GNB1L: variants seen among roughly 807,000 people sequenced by gnomAD.
The protein encoded by GNB1L is G protein subunit beta 1 like.
GNB1L carries 20 observed loss-of-function variants against 29.1 expected under a neutral mutation model. That is an observed-to-expected ratio of 0.69 (90% CI 0.48 to 1.00). GNB1L has a LOEUF of 1.00. Ranked by LOEUF, GNB1L falls within the 50% of genes least tolerant of loss-of-function variation. GNB1L has a pLI of 0.00. For synonymous variants in GNB1L, 193 were observed against 206.5 expected, an observed-to-expected ratio of 0.93 and a Z score of 0.56; for missense variants, 421 against 464.9, an observed-to-expected ratio of 0.91 and a Z score of 0.87.
At chr22:19,842,841 A>G (rs970619152) in intron 2 of GNB1L, among the ~76,000 whole-genome samples, 1 of 152,162 alleles carries the variant, frequency 6.6e-6, no homozygotes, top group African/African-American at 2.4e-5. Flanking sequence ...TAAGCAGCTC[A>G]AGCTGGCCAC....
chr22:19,837,794 G>A (rs78538746), intron 2 of GNB1L, among the ~76,000 whole-genome samples: 14,371 of 152,242 alleles, frequency 0.094, 2,251 homozygotes, highest in African/African-American at 0.33. Flanking sequence ...GACAAAGTAG[G>A]AAGTACTGAT....
chr22:19,851,331 C>T (rs1277576235), intron 2 of GNB1L: 8 of 1,614,012 alleles, frequency 5.0e-6, no homozygotes, highest in Middle Eastern at 1.6e-4. Flanking sequence ...GGTCTCTGGG[C>T]AGGAGGATTA....
At chr22:19,798,691 C>G (rs1372260966) in intron 7 of GNB1L, among the ~76,000 whole-genome samples, 1 of 152,084 alleles carries the variant, frequency 6.6e-6, no homozygotes, top group East Asian at 1.9e-4. Flanking sequence ...GGAGCGACCC[C>G]ACACCCACCT....
chr22:19,850,997 G>A, intron 2 of GNB1L: 7 of 1,414,918 alleles, frequency 4.9e-6, no homozygotes, highest in African/African-American at 1.4e-5. Context: ...GCTGGAGTTG[G>A]GGGAGCTGGT....
chr22:19,806,219 A>G (rs1290045002), intron 6 of GNB1L, among the ~76,000 whole-genome samples: 1 of 152,264 alleles, frequency 6.6e-6, no homozygotes, highest in African/African-American at 2.4e-5. Context: ...CCTGCCTCTA[A>G]GAGGCAAAGA....
In GNB1L at chr22:19,819,752, C is replaced by G. The variant is rs149795588; in HGVS notation, c.254+846G>C. On this transcript the variant is annotated intron_variant, in intron 4 of 7. Coordinates refer to ENST00000329517, the MANE Select transcript of GNB1L (RefSeq NM_053004.3). Reference sequence around the variant, plus strand: ...TAATCCCCAAGTGATGCGTAGGGTACAGAACACACACGTGAGCTCGGGGCC... The same window carrying G: ...TAATCCCCAAGTGATGCGTAGGGTAGAGAACACACACGTGAGCTCGGGGCC... 3.0e-3 allele frequency among the ~76,000 whole-genome samples: 453 copies of G among 152,250 alleles called. 1 individual carries two copies. Among genetic ancestry groups the G allele is most frequent in the African/African-American group, 0.01 (436 of 41,526 alleles).
At chr22:19,831,421 A>T (rs1443401740) in intron 2 of GNB1L, among the ~76,000 whole-genome samples, 2 of 151,398 alleles carry the variant, frequency 1.3e-5, no homozygotes, top group Non-Finnish European at 2.9e-5. Context: ...AAAAATAAAA[A>T]TTTTTCATGC....
At position 19,837,935 on chromosome 22, in the gene GNB1L, C is replaced by T. The variant is rs534396976; in HGVS notation, c.-21+16508G>A. Among the ~76,000 whole-genome samples the T allele has an allele frequency of 3.9e-5, 6 of 152,212 alleles. No individual in the cohort carries two copies. In the East Asian group the frequency reaches 1.2e-3, roughly 29 times the overall value. On this transcript the variant is annotated intron_variant, in intron 2 of 7. Coordinates refer to ENST00000329517, the MANE Select transcript of GNB1L (RefSeq NM_053004.3). ...CAAACTGACCTACAGTGACAGAAAG[C>T]AGATTAAAGGGAACCTGGAGAAGAG...
intron 4 of GNB1L, among the ~76,000 whole-genome samples, chr22:19,817,496 AC>A (rs796620767): frequency 1.1e-4 from 17 of 152,172 alleles, no homozygotes; most frequent in South Asian, 8.3e-4. Flanking sequence ...AGAAAAAAAA[AC>A]GTAAGAAAAA....
chr22:19,838,781 T>C (rs1385702707), intron 2 of GNB1L, among the ~76,000 whole-genome samples: 1 of 152,180 alleles, frequency 6.6e-6, no homozygotes, highest in Non-Finnish European at 1.5e-5. Context: ...AAATTAAATA[T>C]GCATTAACAT....
rs573616279 is a variant in GNB1L at position 19,835,031 on chromosome 22, T to C, written c.-20-13656A>G. 2.4e-4 allele frequency among the ~76,000 whole-genome samples: 36 copies of C among 152,214 alleles called. No homozygotes were observed. In the South Asian group the frequency reaches 7.0e-3, roughly 30 times the overall value. On this transcript the variant is annotated intron_variant, in intron 2 of 7. Coordinates refer to ENST00000329517, the MANE Select transcript of GNB1L (RefSeq NM_053004.3). ...AATATTATCACGGACAAGAAGAAGATACAATGATAAATGGCATCGATTCAG... is the reference window on the plus strand; with the variant it reads ...AATATTATCACGGACAAGAAGAAGACACAATGATAAATGGCATCGATTCAG...
At chr22:19,827,480 C>G (rs1375511641) in intron 2 of GNB1L, among the ~76,000 whole-genome samples, 2 of 152,122 alleles carry the variant, frequency 1.3e-5, no homozygotes, top group Non-Finnish European at 2.9e-5. Flanking sequence ...TCCAGAATAT[C>G]TAAAGAACAC....
At chr22:19,815,289 C>T (rs768914704) in intron 4 of GNB1L, among the ~76,000 whole-genome samples, 13 of 152,196 alleles carry the variant, frequency 8.5e-5, no homozygotes, top group African/African-American at 1.4e-4. Flanking sequence ...CCACAAAGGC[C>T]GATCTGGGCA....
chr22:19,800,351 G>A (rs983821296), intron 7 of GNB1L, among the ~76,000 whole-genome samples: 2 of 152,196 alleles, frequency 1.3e-5, no homozygotes, highest in Non-Finnish European at 2.9e-5. Flanking sequence ...GGCTCTCAGG[G>A]AAGCTGTCTG....
At chr22:19,822,945 G>T (rs761246583) in intron 2 of GNB1L, among the ~76,000 whole-genome samples, 2 of 152,320 alleles carry the variant, frequency 1.3e-5, no homozygotes, top group Non-Finnish European at 2.9e-5. Flanking sequence ...CAAAACACCT[G>T]AGAAATGCCC....
intron 2 of GNB1L, among the ~76,000 whole-genome samples, chr22:19,829,889 A>T (rs1312583534): frequency 6.6e-6 from 1 of 152,202 alleles, no homozygotes; most frequent in Non-Finnish European, 1.5e-5. Context: ...TAAATCCAAC[A>T]TATTATTTTA....
At chr22:19,830,964 A>G (rs559339857) in intron 2 of GNB1L, among the ~76,000 whole-genome samples, 11 of 152,378 alleles carry the variant, frequency 7.2e-5, no homozygotes, top group African/African-American at 2.6e-4. Context: ...TCCATATCTT[A>G]CAGTGAAATA....
chr22:19,834,001 T>A (rs1197194805), intron 2 of GNB1L, among the ~76,000 whole-genome samples: 1 of 151,720 alleles, frequency 6.6e-6, no homozygotes, highest in Non-Finnish European at 1.5e-5. Flanking sequence ...CAGGGACTTG[T>A]GGAATAATAG....
chr22:19,843,796 A>G (rs1937903749), intron 2 of GNB1L, among the ~76,000 whole-genome samples: 1 of 152,218 alleles, frequency 6.6e-6, no homozygotes, highest in South Asian at 2.1e-4. Context: ...TGAGAGTGCT[A>G]CAGTCCTGTA....
Sources: allele counts gnomAD v4.1 joint callset (sites outside exome capture counted in the v4.1 genomes callset), GRCh38; gene constraint gnomAD v4.1.1; transcripts MANE v1.5; gene names NCBI Gene and HGNC (gene_info 2026-07-23, HGNC 2026-07-21).